TANC1: variants seen among roughly 807,000 people sequenced by gnomAD.
TANC1 encodes tetratricopeptide repeat, ankyrin repeat and coiled-coil containing 1.
TANC1 carries 77 observed loss-of-function variants against 149.7 expected under a neutral mutation model. That is an observed-to-expected ratio of 0.51 (90% confidence interval 0.43 to 0.62). The LOEUF (loss-of-function observed/expected upper bound fraction) is 0.62. Among genes scored for constraint, TANC1 ranks in the 20% least tolerant of loss-of-function variants. The pLI is 0.00. For missense variants in TANC1, 1,985 were observed against 2,321.8 expected (o/e 0.85, Z 2.98); for synonymous variants, 854 against 925.0 (o/e 0.92, Z 1.39).
chr2:159,067,174 C>T (rs2042744164), intron 3 of TANC1, among the ~76,000 whole-genome samples: 1 of 152,204 alleles, frequency 6.6e-6, no homozygotes, highest in Non-Finnish European at 1.5e-5. Flanking sequence ...ATATTAATGT[C>T]TGTTGTTTCC....
At chr2:159,154,861 A>G (rs2053249756) in intron 7 of TANC1, among the ~76,000 whole-genome samples, 3 of 152,232 alleles carry the variant, frequency 2.0e-5, no homozygotes, top group South Asian at 4.1e-4. Flanking sequence ...GTACCCAATC[A>G]CCATAAAATA....
chr2:158,976,796 A>G (rs2033728670), intron 1 of TANC1, among the ~76,000 whole-genome samples: 1 of 152,090 alleles, frequency 6.6e-6, no homozygotes, highest in Non-Finnish European at 1.5e-5. Context: ...CAGGAGAATC[A>G]CTTGAACCTG....
intron 3 of TANC1, among the ~76,000 whole-genome samples, chr2:159,086,635 C>T (rs980652958): frequency 1.3e-5 from 2 of 151,964 alleles, no homozygotes; most frequent in Non-Finnish European, 2.9e-5. Flanking sequence ...GAGATGGATA[C>T]AAATTTGAGT....
At chr2:159,014,671 T>C (rs887292600) in intron 2 of TANC1, among the ~76,000 whole-genome samples, 18 of 152,148 alleles carry the variant, frequency 1.2e-4, no homozygotes, top group African/African-American at 4.3e-4. Flanking sequence ...AAAAGCAAGC[T>C]AGTTATTTCT....
chr2:159,182,701 GA>G (rs1186599180), intron 14 of TANC1, among the ~76,000 whole-genome samples: 1 of 152,136 alleles, frequency 6.6e-6, no homozygotes, highest in Non-Finnish European at 1.5e-5. Context: ...GGCTTGTTCA[GA>G]TTCTATATTT....
In TANC1 at chr2:159,137,472, T is replaced by C. The variant is rs2050881612; in HGVS notation, c.364+1174T>C. 4.6e-5 allele frequency among the ~76,000 whole-genome samples: 7 copies of C among 152,168 alleles called. No homozygotes were observed. In the South Asian group the frequency reaches 1.5e-3, roughly 32 times the overall value. ...GGCATGAGAAATGCCACCCTTTTCC[T>C]TTCTGTCCAGGCACTCATTGTGTGG... On this transcript the variant is annotated intron_variant, in intron 5 of 26. Coordinates refer to ENST00000263635, the MANE Select transcript of TANC1 (RefSeq NM_033394.3).
intron 24 of TANC1, chr2:159,227,521 A>G: frequency 2.8e-6 from 1 of 356,290 alleles, no homozygotes; most frequent in Non-Finnish European, 5.0e-6. Context: ...ACCAGAAGGT[A>G]ATCTGATTCA....
chr2:159,069,409 C>T (rs2042951899), intron 3 of TANC1, among the ~76,000 whole-genome samples: 1 of 152,028 alleles, frequency 6.6e-6, no homozygotes, highest in African/African-American at 2.4e-5. Context: ...TATGTTAGGA[C>T]CTTGATCTAA....
chr2:159,058,406 G>T (rs2042005126), intron 2 of TANC1, among the ~76,000 whole-genome samples: 1 of 152,170 alleles, frequency 6.6e-6, no homozygotes, highest in African/African-American at 2.4e-5. Flanking sequence ...TGTTGGAAGA[G>T]AATTGCCGTT....
chr2:159,129,728 C>A (rs2049882801), intron 4 of TANC1, among the ~76,000 whole-genome samples: 1 of 152,088 alleles, frequency 6.6e-6, no homozygotes, highest in Non-Finnish European at 1.5e-5. Context: ...AGGGGAGGGG[C>A]AGTGGCCTGG....
intron 2 of TANC1, among the ~76,000 whole-genome samples, chr2:159,023,500 C>T (rs1298165283): frequency 6.6e-6 from 1 of 151,928 alleles, no homozygotes; most frequent in Non-Finnish European, 1.5e-5. Flanking sequence ...ACAACCACGC[C>T]TGGGTACTTT....
At chr2:159,117,168 G>C (rs1229812960) in intron 4 of TANC1, among the ~76,000 whole-genome samples, 1 of 152,110 alleles carries the variant, frequency 6.6e-6, no homozygotes, top group East Asian at 1.9e-4. Context: ...GAAAGTAAAA[G>C]GACTCTCCTG....
rs533472550 is a variant in TANC1 at position 159,206,324 on chromosome 2, G to A, written c.3244+7271G>A. Among the ~76,000 whole-genome samples, 3 of 152,266 alleles carry A rather than the reference G, an allele frequency of 2.0e-5. No individual in the cohort carries two copies. In the South Asian group the frequency reaches 6.2e-4, roughly 32 times the overall value. ...CAGATAGGGGATCAGAACTGAGGGG[G>A]CTGGGTTTGTCCATACCCTATCCTC... On this transcript the variant is annotated intron_variant, in intron 19 of 26. Transcript: ENST00000263635.
rs115836737 is a variant in TANC1, at chr2:159,125,078, C to A, written c.260-11116C>A. 5.7e-3 allele frequency among the ~76,000 whole-genome samples: 866 copies of A among 152,182 alleles called. 16 individuals carry two copies. Among genetic ancestry groups the A allele is most frequent in the African/African-American group, 0.02 (814 of 41,502 alleles). On this transcript the variant is annotated intron_variant, in intron 4 of 26. Transcript: ENST00000263635. ...TCTTTATGGCACATTGTAATTACTA[C>A]CAAAAGTCAGAGGAAGTAAGAGCTA...
At chr2:159,194,033 A>G (rs912171136) in intron 16 of TANC1, among the ~76,000 whole-genome samples, 1 of 151,616 alleles carries the variant, frequency 6.6e-6, no homozygotes, top group African/African-American at 2.4e-5. Context: ...TCTATTTTTA[A>G]TATTTTGAGG....
At position 159,219,788 on chromosome 2, in the gene TANC1, A is replaced by G; in HGVS notation, c.3599A>G (p.Glu1200Gly). The G allele has an allele frequency of 6.2e-7, 1 of 1,614,124 alleles. No homozygotes were observed. Among genetic ancestry groups the G allele is most frequent in the Non-Finnish European group, 8.5e-7 (1 of 1,180,036 alleles). The change falls in exon 22 of 27, where the codon GAA becomes GGA. Residue 1200 changes from glutamate to glycine, a missense_variant. Glu to Gly is a moderately conservative substitution (Grantham distance 98). Transcript: ENST00000263635. ...GCAGTGGTCCAGTATCTGGTTGAAG[A>G]AGGAGCTGCAATAGACCAGACAGAC... ...HRAVVQYLVE[E>G]GAAIDQTDKN... is the part of the protein sequence containing the mutation.
intron 14 of TANC1, among the ~76,000 whole-genome samples, chr2:159,180,407 G>A (rs1374034250): frequency 6.6e-6 from 1 of 152,216 alleles, no homozygotes; most frequent in Non-Finnish European, 1.5e-5. Context: ...AGGAGTGTAG[G>A]TTGTTACTGG....
At chr2:159,060,118 T>G in intron 2 of TANC1, 1 of 973,544 alleles carries the variant, frequency 1.0e-6, no homozygotes, top group Non-Finnish European at 1.2e-6. Context: ...GTTACGTGAG[T>G]CAGACTAACT....
chr2:159,091,766 A>T (rs1019767901), intron 3 of TANC1, among the ~76,000 whole-genome samples: 1 of 152,340 alleles, frequency 6.6e-6, no homozygotes, highest in Non-Finnish European at 1.5e-5. Flanking sequence ...TTGTTTGAGA[A>T]TTAATCATGA....
Sources: gnomAD v4.1 joint callset for allele counts (sites outside exome capture counted in the v4.1 genomes callset) on GRCh38, gnomAD v4.1.1 for gene constraint, MANE v1.5 for transcripts, NCBI Gene and HGNC (gene_info 2026-07-23, HGNC 2026-07-21) for gene names.